Variants in SPATS2 observed in about 807,000 individuals in gnomAD.
The protein encoded by SPATS2 is spermatogenesis-associated serine-rich protein 2.
SPATS2 carries 38 observed loss-of-function variants against 63.7 expected under a neutral mutation model. The ratio of observed to expected loss-of-function variants is 0.60; its 90% CI spans 0.46 to 0.78. SPATS2 has a LOEUF of 0.78. SPATS2 is among the 30% of genes least tolerant of loss of function. The pLI is 0.00. For missense variants in SPATS2, 588 were observed against 666.2 expected, an observed-to-expected ratio of 0.88 and a Z score of 1.29; for synonymous variants, 207 against 232.9, an observed-to-expected ratio of 0.89 and a Z score of 1.01.
At chr12:49,388,198 C>A (rs1468530687) in intron 2 of SPATS2, among the ~76,000 whole-genome samples, 1 of 152,098 alleles carries the variant, frequency 6.6e-6, no homozygotes, top group East Asian at 1.9e-4. Context: ...AATTGTCAGC[C>A]CTCTGGCTTA....
Position 49,495,153 on chromosome 12 carries a change from G to A in SPATS2, c.526+151G>A, listed in dbSNP as rs984878436. On this transcript the variant is annotated intron_variant, in intron 7 of 13. Coordinates refer to ENST00000552918, the MANE Select transcript of SPATS2 (RefSeq NM_023071.4). ...TACTTTTTAGTTTTTGTTACTTTTT[G>A]TCTGAGTCACATTTTATAATTATCA... 13 of 773,764 alleles carry A rather than the reference G, an allele frequency of 1.7e-5. No homozygotes were observed. In the African/African-American group the frequency reaches 1.8e-4, roughly 11 times the overall value. The allele number at this position is 773,764 out of a possible 1,614,324, so 47.9% of individuals were successfully genotyped here.
intron 3 of SPATS2, among the ~76,000 whole-genome samples, chr12:49,476,632 C>G (rs906175419): frequency 6.6e-6 from 1 of 152,166 alleles, no homozygotes; most frequent in Admixed American, 6.5e-5. Context: ...GTATGCTCCC[C>G]TAGAGGTTTG....
chr12:49,457,864 A>G (rs1945747256), intron 2 of SPATS2, among the ~76,000 whole-genome samples: 1 of 152,078 alleles, frequency 6.6e-6, no homozygotes, highest in East Asian at 1.9e-4. Context: ...ATCCAGGGGT[A>G]TATTCTGTAT....
chr12:49,428,010 C>T (rs1268837650), intron 2 of SPATS2, among the ~76,000 whole-genome samples: 1 of 151,730 alleles, frequency 6.6e-6, no homozygotes, highest in Non-Finnish European at 1.5e-5. Flanking sequence ...AATCCCAGCA[C>T]TTTGGGAGGC....
intron 2 of SPATS2, among the ~76,000 whole-genome samples, chr12:49,432,264 G>A (rs938679964): frequency 1.3e-5 from 2 of 152,188 alleles, no homozygotes; most frequent in Non-Finnish European, 2.9e-5. Flanking sequence ...ATGGGTTCAG[G>A]AGTTCGAGAC....
chr12:49,391,241 C>A (rs1417261874), intron 2 of SPATS2, among the ~76,000 whole-genome samples: 1 of 152,166 alleles, frequency 6.6e-6, no homozygotes, highest in Non-Finnish European at 1.5e-5. Flanking sequence ...ATGCCGGGCG[C>A]GGTGGCTCAC....
chr12:49,499,733 G>A (rs886532002), intron 8 of SPATS2, among the ~76,000 whole-genome samples: 4 of 151,976 alleles, frequency 2.6e-5, no homozygotes, highest in African/African-American at 9.7e-5. Context: ...AGCAAGTTGG[G>A]GCAATCATAG....
chr12:49,445,605 C>T (rs1945496734), intron 2 of SPATS2, among the ~76,000 whole-genome samples: 1 of 152,102 alleles, frequency 6.6e-6, no homozygotes, highest in African/African-American at 2.4e-5. Context: ...GCAGCCTCAA[C>T]CTCCCAGGTT....
chr12:49,437,611 G>C (rs1057424567), intron 2 of SPATS2, among the ~76,000 whole-genome samples: 50 of 149,820 alleles, frequency 3.3e-4, no homozygotes, highest in Non-Finnish European at 5.2e-4. Context: ...CGGATCACTC[G>C]CGGTTAGGAG....
chr12:49,466,520 G>A (rs147203736), intron 3 of SPATS2, among the ~76,000 whole-genome samples: 297 of 152,158 alleles, frequency 2.0e-3, no homozygotes, highest in African/African-American at 6.6e-3. Context: ...TTTGCATATG[G>A]ATATCCAGTT....
intron 2 of SPATS2, among the ~76,000 whole-genome samples, chr12:49,420,583 A>AAAAAAT (rs1157665734): frequency 2.0e-5 from 3 of 152,224 alleles, no homozygotes; most frequent in African/African-American, 7.2e-5. Flanking sequence ...ACCCCATCTC[A>AAAAAAT]AAAAATAAAA....
At chr12:49,415,676 C>T (rs769624870) in intron 2 of SPATS2, among the ~76,000 whole-genome samples, 44 of 152,110 alleles carry the variant, frequency 2.9e-4, no homozygotes, top group Middle Eastern at 3.2e-3. Context: ...CTTCCGGTAA[C>T]GCTTTTTGCA....
chr12:49,381,420 C>G (rs941925123), intron 2 of SPATS2, among the ~76,000 whole-genome samples: 33 of 152,248 alleles, frequency 2.2e-4, no homozygotes, highest in African/African-American at 7.9e-4. Flanking sequence ...GTAACAAAAC[C>G]TGTATTTAAG....
intron 2 of SPATS2, among the ~76,000 whole-genome samples, chr12:49,401,489 A>G (rs1012284230): frequency 1.3e-5 from 2 of 152,160 alleles, no homozygotes; most frequent in African/African-American, 4.8e-5. Flanking sequence ...ATCTTGTTTT[A>G]TTTGTACCCT....
intron 2 of SPATS2, among the ~76,000 whole-genome samples, chr12:49,396,619 C>A (rs1348133255): frequency 1.3e-5 from 2 of 152,192 alleles, no homozygotes; most frequent in Non-Finnish European, 2.9e-5. Flanking sequence ...GAATTTAGAT[C>A]TCACATCTGT....
chr12:49,507,144 T>TA (rs1946667724), intron 9 of SPATS2, among the ~76,000 whole-genome samples: 1 of 152,220 alleles, frequency 6.6e-6, no homozygotes, highest in Non-Finnish European at 1.5e-5. Context: ...AAATCACTAT[T>TA]ATTCTTAAGT....
rs1302509620 is a variant in SPATS2 at position 49,460,917 on chromosome 12, G to A, written c.-96G>A. 9.0e-6 allele frequency: 13 copies of A among 1,449,796 alleles called. No homozygotes were observed. The highest frequency in any genetic ancestry group is 7.4e-5 in the Admixed American group (4 of 54,150). 89.8% of individuals were successfully genotyped at this position (1,449,796 alleles called of 1,614,324 possible). ...TTTTTGCTTCCAACTGCACACTTCC[G>A]TTGCCCACTTTTAAATCAGAGATAC... On this transcript the variant is annotated 5_prime_UTR_variant, in exon 3 of 14. Transcript: ENST00000552918.
At chr12:49,484,420 GTT>G (rs887385807) in intron 3 of SPATS2, among the ~76,000 whole-genome samples, 168 bp from the exon 4 acceptor site, 1 of 152,166 alleles carries the variant, frequency 6.6e-6, no homozygotes, top group African/African-American at 2.4e-5. Context: ...TGTATTATAA[GTT>G]TAATTCAAAA....
chr12:49,434,778 A>C (rs766784922), intron 2 of SPATS2, among the ~76,000 whole-genome samples: 4 of 152,180 alleles, frequency 2.6e-5, no homozygotes, highest in Non-Finnish European at 5.9e-5. Flanking sequence ...TTTAAGCCCT[A>C]GCTCAGTGGG....
Sources: allele counts gnomAD v4.1 joint callset (sites outside exome capture counted in the v4.1 genomes callset), GRCh38; gene constraint gnomAD v4.1.1; transcripts MANE v1.5; gene names NCBI Gene and HGNC (gene_info 2026-07-23, HGNC 2026-07-21).